ZNF492: variants seen among roughly 807,000 people sequenced by gnomAD.
ZNF492 encodes the protein zinc finger protein 492, also known as zinc finger protein 115 (Y20).
ZNF492 carries 3 observed loss-of-function variants against 6.4 expected under a neutral mutation model. The observed-to-expected ratio is 0.47, with a 90% CI of 0.21 to 1.22. ZNF492 has a LOEUF of 1.22. ZNF492 is among the 50% of genes most tolerant of loss of function. The probability of loss-of-function intolerance (pLI) is 0.22; values close to 1 mark genes in which losing one functional copy is unlikely to be tolerated. For missense variants in ZNF492, 356 were observed against 612.5 expected (o/e 0.58, Z 4.42); for synonymous variants, 112 against 205.3 (o/e 0.55, Z 3.89).
intron 1 of ZNF492, among the ~76,000 whole-genome samples, chr19:22,641,798 A>AT (rs1437800465): frequency 6.6e-6 from 1 of 151,660 alleles, no homozygotes; most frequent in Non-Finnish European, 1.5e-5. Context: ...TTACTTATTT[A>AT]TTTTTTATTT....
At chr19:22,651,928 A>G (rs1370829500) in intron 1 of ZNF492, among the ~76,000 whole-genome samples, 3 of 152,174 alleles carry the variant, frequency 2.0e-5, no homozygotes, top group African/African-American at 7.2e-5. Context: ...TTTACAGAAC[A>G]TGGCAGATAT....
chr19:22,636,479 A>G (rs1166199263), intron 1 of ZNF492, among the ~76,000 whole-genome samples: 1 of 98,664 alleles, frequency 1.0e-5, no homozygotes, highest in Non-Finnish European at 1.9e-5. Flanking sequence ...AGCTTCATCT[A>G]TGTTGCTCTA....
rs548324966 is a variant in ZNF492, at chr19:22,656,078, C to T, written c.130+2063C>T. Among the ~76,000 whole-genome samples the T allele has an allele frequency of 2.4e-4, 35 of 144,196 alleles. 1 individual carries two copies. In the South Asian group the frequency reaches 7.1e-3, roughly 29 times the overall value. The allele number at this position is 144,196 out of a possible 152,430, so 94.6% of individuals were successfully genotyped here. ...GACCTGGTGATCCACCCGCCTTGGC[C>T]TCCCAAAGTTCTGGGATTACAGGCA... On this transcript the variant is annotated intron_variant, in intron 3 of 3. Coordinates refer to ENST00000456783, the MANE Select transcript of ZNF492 (RefSeq NM_020855.3).
intron 1 of ZNF492, among the ~76,000 whole-genome samples, chr19:22,635,613 C>T (rs966374596): frequency 6.6e-6 from 1 of 152,204 alleles, no homozygotes; most frequent in African/African-American, 2.4e-5. Context: ...GCATAAAGAT[C>T]TTATGAGAAT....
rs1399842837 is a variant in ZNF492 at position 22,634,361 on chromosome 19, G to A, written c.-207G>A. On this transcript the variant is annotated 5_prime_UTR_variant, in exon 1 of 4. Coordinates refer to ENST00000456783, the MANE Select transcript of ZNF492 (RefSeq NM_020855.3). ...CGCTGCAGTCGGAGTATGGTCTAGT[G>A]TTCGCTGTTCTGCGTCCTCTGGTCC... 8.8e-7 allele frequency: 1 copy of A among 1,139,710 alleles called. No homozygotes were observed. Among genetic ancestry groups the A allele is most frequent in the African/African-American group, 1.6e-5 (1 of 62,390 alleles). The allele number at this position is 1,139,710 out of a possible 1,614,324, so 70.6% of individuals were successfully genotyped here.
At position 22,663,955 on chromosome 19, in the gene ZNF492, G is replaced by C. The variant is rs1972087050; in HGVS notation, c.286G>C (p.Glu96Gln). ...KSMDECKVHK[E>Q]CYNGLNQCLT... ...CATGGATGAGTGTAAGGTGCACAAAGAATGTTACAATGGACTTAACCAGTG... is the reference window on the plus strand; with the variant it reads ...CATGGATGAGTGTAAGGTGCACAAACAATGTTACAATGGACTTAACCAGTG... The change falls in exon 4 of 4, where the codon GAA (glutamate) becomes CAA (glutamine). Residue 96 changes from glutamate to glutamine, a missense_variant. By Grantham distance (29) the Glu-to-Gln change is conservative. Around this residue, in one of 7 missense-constraint regions of ZNF492, gnomAD observed 196 missense variants for 219.4 expected, o/e 0.89. Coordinates refer to ENST00000456783, the MANE Select transcript of ZNF492 (RefSeq NM_020855.3). 1 of 1,611,900 alleles carries C rather than the reference G, an allele frequency of 6.2e-7. No homozygotes were observed. Among genetic ancestry groups the C allele is most frequent in the Non-Finnish European group, 8.5e-7 (1 of 1,179,046 alleles).
intron 1 of ZNF492, among the ~76,000 whole-genome samples, chr19:22,645,564 C>T (rs2145247739): frequency 6.6e-6 from 1 of 152,222 alleles, no homozygotes; most frequent in East Asian, 1.9e-4. Flanking sequence ...GTTGCAGTTA[C>T]TTTTGGCATT....
At chr19:22,650,276 A>T (rs1360396110) in intron 1 of ZNF492, among the ~76,000 whole-genome samples, 1 of 152,142 alleles carries the variant, frequency 6.6e-6, no homozygotes, top group Non-Finnish European at 1.5e-5. Context: ...AACAGCAAAG[A>T]TGGGTGCCTG....
Position 22,653,957 on chromosome 19 carries a change from G to A in ZNF492, c.72G>A (p.Leu24=). The A allele has an allele frequency of 6.3e-7, 1 of 1,596,674 alleles. No homozygotes were observed. The highest frequency in any genetic ancestry group is 2.2e-5 in the East Asian group (1 of 44,602). Residue 24 remains leucine (L), a synonymous_variant, in exon 3 of 4, where the codon CTG becomes CTA. Coordinates refer to ENST00000456783, the MANE Select transcript of ZNF492 (RefSeq NM_020855.3). ...AASKPDLITC[L]EQGKEPWNVK... Reference sequence around the variant, plus strand: ...CTAAGCCAGACCTGATCACCTGTCTGGAGCAAGGAAAAGAACCTTGGAATG... The same window carrying A: ...CTAAGCCAGACCTGATCACCTGTCTAGAGCAAGGAAAAGAACCTTGGAATG...
In ZNF492 at chr19:22,667,541, T is replaced by C. The variant is rs1289384583; in HGVS notation, c.*2276T>C. The C allele has an allele frequency of 1.3e-5, 2 of 152,032 alleles. No individual in the cohort carries two copies. Among genetic ancestry groups the C allele is most frequent in the East Asian group, 3.8e-4 (2 of 5,196 alleles). 9.4% of individuals were successfully genotyped at this position (152,032 alleles called of 1,614,324 possible). A position where few individuals can be genotyped will look rare whatever the true frequency, so the allele number is the denominator to read the frequency against. On this transcript the variant is annotated 3_prime_UTR_variant, in exon 4 of 4. Coordinates refer to ENST00000456783, the MANE Select transcript of ZNF492 (RefSeq NM_020855.3). ...ATTTTTTGTATTATGAACAGTTCAA[T>C]TGTACAGTTTTAGTTTTTTTAAAAT...
chr19:22,667,444 A>G lies in ZNF492; in HGVS notation c.*2179A>G, dbSNP rs1972142881. On this transcript the variant is annotated 3_prime_UTR_variant, in exon 4 of 4. Coordinates refer to ENST00000456783, the MANE Select transcript of ZNF492 (RefSeq NM_020855.3). ...ATAATATTTATGTTATATATGGCAT[A>G]TTCTGATAAGAGGCATACAATATGT... 6.6e-6 allele frequency: 1 copy of G among 152,044 alleles called. No homozygotes were observed. Among genetic ancestry groups the G allele is most frequent in the Admixed American group, 6.6e-5 (1 of 15,264 alleles). The allele number at this position is 152,044 out of a possible 1,614,324, so 9.4% of individuals were successfully genotyped here.
In ZNF492 at chr19:22,665,371, C is replaced by T. The variant is rs1433200735; in HGVS notation, c.*106C>T. 3 of 1,484,622 alleles carry T rather than the reference C, an allele frequency of 2.0e-6. No homozygotes were observed. Among genetic ancestry groups the T allele is most frequent in the Admixed American group, 5.0e-5 (2 of 39,652 alleles). The allele number at this position is 1,484,622 out of a possible 1,614,324, so 92.0% of individuals were successfully genotyped here. On this transcript the variant is annotated 3_prime_UTR_variant, in exon 4 of 4. Transcript: ENST00000456783. ...CTACAAGTGTGAATGAACAGTGTGGCAAAACTTACACAATGCTCAAACCTT... is the reference window on the plus strand; with the variant it reads ...CTACAAGTGTGAATGAACAGTGTGGTAAAACTTACACAATGCTCAAACCTT...
chr19:22,635,354 T>G (rs1388461292), intron 1 of ZNF492, among the ~76,000 whole-genome samples: 1 of 152,236 alleles, frequency 6.6e-6, no homozygotes, highest in African/African-American at 2.4e-5. Flanking sequence ...AGTAAAATAC[T>G]GAATTTTCAG....
At chr19:22,636,431 T>G (rs922637571) in intron 1 of ZNF492, among the ~76,000 whole-genome samples, 4 of 151,654 alleles carry the variant, frequency 2.6e-5, no homozygotes. Context: ...CATTTGGTTT[T>G]CTGCTGCTAC....
chr19:22,635,222 G>A (rs1455551571), intron 1 of ZNF492, among the ~76,000 whole-genome samples: 1 of 151,870 alleles, frequency 6.6e-6, no homozygotes. Context: ...AAAGATTAGA[G>A]CCACCTCAGT....
At chr19:22,646,063 G>T (rs1451089763) in intron 1 of ZNF492, among the ~76,000 whole-genome samples, 1 of 152,046 alleles carries the variant, frequency 6.6e-6, no homozygotes, top group Non-Finnish European at 1.5e-5. Context: ...TGAAGAATGT[G>T]AATGGTAGTT....
At chr19:22,646,413 T>G (rs1469622533) in intron 1 of ZNF492, among the ~76,000 whole-genome samples, 1 of 152,234 alleles carries the variant, frequency 6.6e-6, no homozygotes, top group Non-Finnish European at 1.5e-5. Flanking sequence ...AAGGAGTTTT[T>G]GGGCTGAGAT....
intron 1 of ZNF492, among the ~76,000 whole-genome samples, chr19:22,636,933 C>A (rs1488398437): frequency 7.1e-6 from 1 of 140,374 alleles, no homozygotes; most frequent in Non-Finnish European, 1.5e-5. Flanking sequence ...CACACCCTGA[C>A]CCCATGTTTT....
intron 1 of ZNF492, among the ~76,000 whole-genome samples, chr19:22,639,999 C>T (rs1971810202): frequency 6.6e-6 from 1 of 151,870 alleles, no homozygotes; most frequent in East Asian, 1.9e-4. Context: ...TGATAGATAA[C>T]TCATTATTTT....
Sources: allele counts gnomAD v4.1 joint callset (sites outside exome capture counted in the v4.1 genomes callset), GRCh38; gene constraint gnomAD v4.1.1; regional missense constraint gnomAD v4.1.1; transcripts MANE v1.5; gene names NCBI Gene and HGNC (gene_info 2026-07-23, HGNC 2026-07-21).